Variants in TBC1D20 observed in about 807,000 individuals in gnomAD.
TBC1D20 encodes the protein chromosome 20 open reading frame 140.
Under a neutral mutation model 41.6 loss-of-function variants are expected in TBC1D20, and 12 were observed. The ratio of observed to expected loss-of-function variants is 0.29; its 90% confidence interval spans 0.18 to 0.47. The LOEUF (loss-of-function observed/expected upper bound fraction) is 0.47, where lower values mean the gene tolerates loss of function less well. Ranked by LOEUF, TBC1D20 falls within the 20% of genes least tolerant of loss-of-function variation. The pLI is 1.00. For synonymous variants in TBC1D20, 205 were observed against 204.8 expected (o/e 1.00, Z -0.01); for missense variants, 421 against 517.4 (o/e 0.81, Z 1.81).
chr20:450,006 T>C (rs2017415691), intron 1 of TBC1D20, among the ~76,000 whole-genome samples: 1 of 152,140 alleles, frequency 6.6e-6, no homozygotes, highest in African/African-American at 2.4e-5. Context: ...AGCATATACA[T>C]CTCTTACTGT....
chr20:438,499 T>C lies in TBC1D20; in HGVS notation c.*87A>G, dbSNP rs1466673655. The C allele has an allele frequency of 2.0e-6, 3 of 1,483,926 alleles. No individual in the cohort carries two copies. Among genetic ancestry groups the C allele is most frequent in the Non-Finnish European group, 2.7e-6 (3 of 1,096,906 alleles). 91.9% of individuals were successfully genotyped at this position (1,483,926 alleles called of 1,614,324 possible). On this transcript the variant is annotated 3_prime_UTR_variant, in exon 8 of 8. Transcript: ENST00000354200. ...ATAAAAAACTCTGGACAGAAACCCT[T>C]TTAATAAAGGAAATTCCACCCCTCC...
rs1357581054 is a variant in TBC1D20 at position 438,551 on chromosome 20, T to A, written c.*35A>T. ...AATCCTTCCATGGAAGGGTGAGACCTTAATGTGATGTAAGAGGAAGGTCTT... is the reference window on the plus strand; with the variant it reads ...AATCCTTCCATGGAAGGGTGAGACCATAATGTGATGTAAGAGGAAGGTCTT... On this transcript the variant is annotated 3_prime_UTR_variant, in exon 8 of 8. Transcript: ENST00000354200. 6.2e-7 allele frequency: 1 copy of A among 1,609,424 alleles called. No homozygotes were observed. The highest frequency in any genetic ancestry group is 2.2e-5 in the East Asian group (1 of 44,800).
At chr20:442,428 T>C (rs1441177233) in intron 3 of TBC1D20, among the ~76,000 whole-genome samples, 1 of 152,180 alleles carries the variant, frequency 6.6e-6, no homozygotes, top group Non-Finnish European at 1.5e-5. Flanking sequence ...AATGAAGAAA[T>C]ACCCAATATC....
In TBC1D20 at chr20:448,092, G is replaced by A; in HGVS notation, c.71-18C>T. ...GTTAAAGTCTGAAGATAAGGATAGG[G>A]AAGAATTAGGCGCACATTCAGCACG... On this transcript the variant is annotated intron_variant, in intron 1 of 7. Coordinates refer to ENST00000354200, the MANE Select transcript of TBC1D20 (RefSeq NM_144628.4). 3 of 1,591,800 alleles carry A rather than the reference G, an allele frequency of 1.9e-6. No individual in the cohort carries two copies. Among genetic ancestry groups the A allele is most frequent in the East Asian group, 2.2e-5 (1 of 44,596 alleles).
At chr20:443,813 G>A (rs1042901083) in intron 3 of TBC1D20, among the ~76,000 whole-genome samples, 2 of 152,148 alleles carry the variant, frequency 1.3e-5, no homozygotes, top group African/African-American at 4.8e-5. Flanking sequence ...GAGGAATAAA[G>A]GGTTCAGAGG....
chr20:452,412 T>C (rs570363493), intron 1 of TBC1D20, among the ~76,000 whole-genome samples: 5 of 152,194 alleles, frequency 3.3e-5, no homozygotes, highest in Non-Finnish European at 1.5e-5. Context: ...GAGAATCACT[T>C]GAGTCCACAA....
At chr20:458,346 C>T (rs984669780) in intron 1 of TBC1D20, among the ~76,000 whole-genome samples, 1 of 149,476 alleles carries the variant, frequency 6.7e-6, no homozygotes, top group African/African-American at 2.5e-5. Flanking sequence ...CAGGGTCTTA[C>T]TCTGTCACCC....
At chr20:445,975 A>G (rs889191626) in intron 2 of TBC1D20, among the ~76,000 whole-genome samples, 4 of 152,254 alleles carry the variant, frequency 2.6e-5, no homozygotes, top group African/African-American at 9.6e-5. Flanking sequence ...AGCCAATTCC[A>G]AGGATAATAA....
chr20:454,619 G>A (rs936841156), intron 1 of TBC1D20, among the ~76,000 whole-genome samples: 16 of 151,790 alleles, frequency 1.1e-4, no homozygotes, highest in Admixed American at 2.6e-4. Context: ...ACCATTGTGA[G>A]TCTACAAACT....
intron 1 of TBC1D20, among the ~76,000 whole-genome samples, chr20:452,906 T>C (rs1044184798): frequency 6.6e-5 from 10 of 151,896 alleles, no homozygotes; most frequent in African/African-American, 2.2e-4. Flanking sequence ...TCCCAGCATT[T>C]TGGGAGGCCG....
chr20:461,006 T>C (rs1201063472), intron 1 of TBC1D20, among the ~76,000 whole-genome samples: 2 of 152,116 alleles, frequency 1.3e-5, no homozygotes. Context: ...AGAGCTCCAC[T>C]TCCATTCAGT....
At chr20:460,425 C>A (rs2017609338) in intron 1 of TBC1D20, among the ~76,000 whole-genome samples, 2 of 127,254 alleles carry the variant, frequency 1.6e-5, no homozygotes, top group South Asian at 5.4e-4. Context: ...AGGGCAAGAT[C>A]CCATCTCTCA....
intron 1 of TBC1D20, among the ~76,000 whole-genome samples, chr20:461,995 T>G (rs2017639834): frequency 6.6e-6 from 1 of 152,160 alleles, no homozygotes; most frequent in Non-Finnish European, 1.5e-5. Context: ...GGCGGACGCC[T>G]GGGACGGGGT....
intron 1 of TBC1D20, among the ~76,000 whole-genome samples, chr20:449,222 G>C (rs1389668707): frequency 2.8e-5 from 3 of 106,218 alleles, no homozygotes; most frequent in African/African-American, 1.2e-4. Context: ...GCACGATCTC[G>C]GCTCACTGCA....
At chr20:443,428 A>G (rs1414789536) in intron 3 of TBC1D20, among the ~76,000 whole-genome samples, 1 of 152,216 alleles carries the variant, frequency 6.6e-6, no homozygotes, top group African/African-American at 2.4e-5. Flanking sequence ...AGAATGGCAC[A>G]TGCACAGCTT....
chr20:454,809 T>A (rs1201408251), intron 1 of TBC1D20, among the ~76,000 whole-genome samples: 1 of 152,012 alleles, frequency 6.6e-6, no homozygotes, highest in East Asian at 1.9e-4. Flanking sequence ...GTAGCCAGGA[T>A]TACAGGCGCA....
chr20:446,943 A>ATTTT (rs35489596), intron 2 of TBC1D20, among the ~76,000 whole-genome samples: 7 of 75,886 alleles, frequency 9.2e-5, no homozygotes, highest in African/African-American at 1.2e-4. Flanking sequence ...CAAAATACGC[A>ATTTT]TTTTTTTTTT....
chr20:447,346 ATATT>A (rs1234725193), intron 2 of TBC1D20, among the ~76,000 whole-genome samples: 2 of 152,010 alleles, frequency 1.3e-5, no homozygotes, highest in Admixed American at 1.3e-4. Flanking sequence ...TGCCTAGCCA[ATATT>A]TTAATCCCTA....
In TBC1D20 at chr20:439,055, CT is replaced by C; in HGVS notation, c.956+52del. ...CCCACCAGACACAAACCTTCCCTCG[CT>C]TCTGCTCATTTACAGCCACCCCCAT... On this transcript the variant is annotated intron_variant, in intron 7 of 7. Coordinates refer to ENST00000354200, the MANE Select transcript of TBC1D20 (RefSeq NM_144628.4). This position sits in a 1 kb window ranked among gnomAD's most constrained non-coding sequence, Gnocchi z 4.6. 1 of 1,565,480 alleles carries C rather than the reference CT, an allele frequency of 6.4e-7. No individual in the cohort carries two copies.
Sources: gnomAD v4.1 joint callset for allele counts (sites outside exome capture counted in the v4.1 genomes callset) on GRCh38, gnomAD v4.1.1 for gene constraint, Gnocchi (gnomAD v3.1) non-coding constraint, MANE v1.5 for transcripts, NCBI Gene and HGNC (gene_info 2026-07-23, HGNC 2026-07-21) for gene names.